CACNA1G: variants seen among roughly 807,000 people sequenced by gnomAD.
The protein encoded by CACNA1G is calcium voltage-gated channel subunit alpha1 G.
Under a neutral mutation model 219.4 loss-of-function variants are expected in CACNA1G, and 67 were observed. That is an observed-to-expected ratio of 0.31 (90% CI 0.25 to 0.37). CACNA1G has a LOEUF of 0.37. CACNA1G is among the 10% of genes least tolerant of loss of function. CACNA1G has a pLI of 1.00. For synonymous variants in CACNA1G, 1,296 were observed against 1,345.3 expected (o/e 0.96, Z 0.80); for missense variants, 2,380 against 3,231.4 (o/e 0.74, Z 6.39).
chr17:50,619,011 G>A lies in CACNA1G; in HGVS notation c.5781+3G>A, dbSNP rs780293937. 2.0e-6 allele frequency: 3 copies of A among 1,515,164 alleles called. No individual in the cohort carries two copies. Among genetic ancestry groups the A allele is most frequent in the Non-Finnish European group, 2.6e-6 (3 of 1,134,752 alleles). The allele number at this position is 1,515,164 out of a possible 1,614,324, so 93.9% of individuals were successfully genotyped here. A position where few individuals can be genotyped will look rare whatever the true frequency, so the allele number is the denominator to read the frequency against. On this transcript the variant is annotated splice_donor_region_variant and intron_variant, in intron 33 of 37. Coordinates refer to ENST00000359106, the MANE Select transcript of CACNA1G (RefSeq NM_018896.5). ...ACTTTTCCCTGGAGCACCCCACGGT[G>A]AGCAGACACCCACCCCAGCCGTGAG...
chr17:50,605,480 G>A (rs928506410), intron 22 of CACNA1G, among the ~76,000 whole-genome samples: 4 of 152,186 alleles, frequency 2.6e-5, no homozygotes, highest in Non-Finnish European at 4.4e-5. Context: ...TTGAGTTTGC[G>A]TCAGAATCAC....
At chr17:50,609,209 A>G (rs987310609) in intron 25 of CACNA1G, among the ~76,000 whole-genome samples, 3 of 150,598 alleles carry the variant, frequency 2.0e-5, no homozygotes, top group Admixed American at 2.0e-4. Flanking sequence ...AGGCGGGGGG[A>G]GAGTGTGGGA....
chr17:50,600,468 G>C lies in CACNA1G; in HGVS notation c.3691-258G>C, dbSNP rs552964191. ...TGGAGGCAGGGGTGGGGAGAGGGGA[G>C]AGCGGGGTTGGGGATGCAGGGGAGG... On this transcript the variant is annotated intron_variant, in intron 17 of 37. Coordinates refer to ENST00000359106, the MANE Select transcript of CACNA1G (RefSeq NM_018896.5). The surrounding 1 kb of genome is among the most constrained non-coding windows in gnomAD (Gnocchi z 4.1). 2.8e-4 allele frequency among the ~76,000 whole-genome samples: 43 copies of C among 151,992 alleles called. No homozygotes were observed. In the South Asian group the frequency reaches 6.2e-3, roughly 22 times the overall value.
intron 1 of CACNA1G, among the ~76,000 whole-genome samples, chr17:50,566,508 G>C (rs781512257): frequency 6.6e-6 from 1 of 152,172 alleles, no homozygotes; most frequent in South Asian, 2.1e-4. Flanking sequence ...GAGGTTATTC[G>C]GGGGCAGGCT....
Position 50,607,944 on chromosome 17 carries a change from C to A in CACNA1G, c.4630C>A (p.Arg1544=), listed in dbSNP as rs60532742. The A allele has an allele frequency of 1.6e-3, 2,571 of 1,613,918 alleles. 9 individuals carry two copies. Among genetic ancestry groups the A allele is most frequent in the Non-Finnish European group, 1.7e-3 (2,010 of 1,179,862 alleles). Residue 1544 remains arginine (R), a synonymous_variant, in exon 25 of 38, where the codon CGG becomes AGG. Transcript: ENST00000359106. The part of the protein sequence containing the change: ...GVVVENFHKC[R]QHQEEEEARR... ...GGTGGTGGAGAACTTCCACAAGTGT[C>A]GGCAGCACCAGGAGGAAGAGGAGGC...
chr17:50,579,456 G>A (rs1035069269), intron 9 of CACNA1G, among the ~76,000 whole-genome samples: 3 of 152,154 alleles, frequency 2.0e-5, no homozygotes, highest in Non-Finnish European at 4.4e-5. Context: ...GGTCCAAGCA[G>A]GCACCATGGG....
chr17:50,571,602 T>C lies in CACNA1G; in HGVS notation c.587-276T>C, dbSNP rs1337035322. Among the ~76,000 whole-genome samples, 3 of 152,154 alleles carry C rather than the reference T, an allele frequency of 2.0e-5. No homozygotes were observed. Among genetic ancestry groups the C allele is most frequent in the African/African-American group, 7.2e-5 (3 of 41,424 alleles). On this transcript the variant is annotated intron_variant, in intron 4 of 37. Coordinates refer to ENST00000359106, the MANE Select transcript of CACNA1G (RefSeq NM_018896.5). This position sits in a 1 kb window ranked among gnomAD's most constrained non-coding sequence, Gnocchi z 4.3. ...GTGATATTATCCACATGTGATGATG[T>C]TGGGAGAGTTAGGAGGGGCCACAGT...
Position 50,617,990 on chromosome 17 carries a change from A to G in CACNA1G, c.5227-58A>G. The G allele has an allele frequency of 6.2e-7, 1 of 1,612,698 alleles. No homozygotes were observed. The highest frequency in any genetic ancestry group is 2.2e-5 in the East Asian group (1 of 44,870). ...GGTGCTTTCCAGAGGGAAGGGGCTCAGAGAAGCTGACTGGGAGACCCAGCG... is the reference window on the plus strand; with the variant it reads ...GGTGCTTTCCAGAGGGAAGGGGCTCGGAGAAGCTGACTGGGAGACCCAGCG... On this transcript the variant is annotated intron_variant, in intron 30 of 37. Transcript: ENST00000359106. The surrounding 1 kb of genome is among the most constrained non-coding windows in gnomAD (Gnocchi z 5.8).
In CACNA1G at chr17:50,596,121, C is replaced by T. The variant is rs2045492187; in HGVS notation, c.2980-441C>T. ...TCTTTCAATTTCCTTCCAGGGTCCT[C>T]GAGTCTGAGGCTCAGGGGAGGGGAG... is the stretch of plus-strand genomic sequence containing the variant. On this transcript the variant is annotated intron_variant, in intron 14 of 37. Transcript: ENST00000359106. This position sits in a 1 kb window ranked among gnomAD's most constrained non-coding sequence, Gnocchi z 4.8. Among the ~76,000 whole-genome samples the T allele has an allele frequency of 1.3e-5, 2 of 152,018 alleles. No individual in the cohort carries two copies. Among genetic ancestry groups the T allele is most frequent in the Admixed American group, 6.6e-5 (1 of 15,262 alleles).
chr17:50,595,660 C>T (rs1370544103), intron 14 of CACNA1G, among the ~76,000 whole-genome samples: 1 of 152,274 alleles, frequency 6.6e-6, no homozygotes, highest in Non-Finnish European at 1.5e-5. Context: ...AGGGCTGGCT[C>T]CCGGTCTGGC....
chr17:50,587,957 C>T (rs1452023661), intron 9 of CACNA1G, among the ~76,000 whole-genome samples: 3 of 152,128 alleles, frequency 2.0e-5, no homozygotes, highest in African/African-American at 4.8e-5. Context: ...AGAACAGTCT[C>T]CTTCTCCACG....
At chr17:50,589,900 C>G (rs1422833218) in intron 9 of CACNA1G, among the ~76,000 whole-genome samples, 1 of 147,378 alleles carries the variant, frequency 6.8e-6, no homozygotes, top group Non-Finnish European at 1.5e-5. Context: ...ATTTTTCTCT[C>G]TCTCTCTCTC....
chr17:50,599,482 A>G lies in CACNA1G; in HGVS notation c.3313A>G (p.Ser1105Gly). ...SPWSAASSWT[S>G]RRSSRNSLGR... ...CTGGAGCGCTGCAAGCAGCTGGACC[A>G]GCAGGCGCTCCAGCCGGAACAGCCT... Residue 1105 changes from serine (S) to glycine (G), a missense_variant, in exon 17 of 38, where the codon AGC becomes GGC. By Grantham distance (56) the Ser-to-Gly change is moderately conservative. Around this residue, in one of 17 missense-constraint regions of CACNA1G, gnomAD observed 418 missense variants for 434.3 expected, o/e 0.96. Coordinates refer to ENST00000359106, the MANE Select transcript of CACNA1G (RefSeq NM_018896.5). 6.3e-7 allele frequency: 1 copy of G among 1,589,776 alleles called. No homozygotes were observed. The highest frequency in any genetic ancestry group is 8.6e-7 in the Non-Finnish European group (1 of 1,169,180).
intron 3 of CACNA1G, 85 bp from the exon 4 acceptor site, chr17:50,569,621 C>T (rs1273202784): frequency 3.2e-6 from 3 of 936,662 alleles, no homozygotes; most frequent in Non-Finnish European, 5.0e-6. Context: ...TCCTGCTGCC[C>T]CTAAAGCAGG....
Position 50,571,939 on chromosome 17 carries a change from G to T in CACNA1G, c.648G>T (p.Leu216=), listed in dbSNP as rs755768954. 1.2e-6 allele frequency: 2 copies of T among 1,613,896 alleles called. No homozygotes were observed. The highest frequency in any genetic ancestry group is 1.7e-6 in the Non-Finnish European group (2 of 1,179,882). The change falls in exon 5 of 38, where the codon CTG becomes CTT. Residue 216 remains leucine, a synonymous_variant. Coordinates refer to ENST00000359106, the MANE Select transcript of CACNA1G (RefSeq NM_018896.5). The surrounding 1 kb of genome is among the most constrained non-coding windows in gnomAD (Gnocchi z 4.3). The part of the protein sequence containing the change: ...DTLPMLGNVL[L]LCFFVFFIFG... ...TGCCCATGCTGGGCAACGTCCTGCT[G>T]CTCTGCTTCTTCGTCTTCTTCATCT... is the stretch of plus-strand genomic sequence containing the variant.
chr17:50,608,161 C>A, intron 25 of CACNA1G, 142 bp downstream of exon 25: 1 of 707,844 alleles, frequency 1.4e-6, no homozygotes, highest in Non-Finnish European at 2.4e-6. Flanking sequence ...TCACCTCCTT[C>A]TCCCCAAGAG....
Position 50,618,007 on chromosome 17 carries a change from G to A in CACNA1G, c.5227-41G>A. The A allele has an allele frequency of 6.2e-7, 1 of 1,612,692 alleles. No individual in the cohort carries two copies. The highest frequency in any genetic ancestry group is 8.5e-7 in the Non-Finnish European group (1 of 1,178,804). On this transcript the variant is annotated intron_variant, in intron 30 of 37. Transcript: ENST00000359106. This position sits in a 1 kb window ranked among gnomAD's most constrained non-coding sequence, Gnocchi z 5.3. ...AGGGGCTCAGAGAAGCTGACTGGGA[G>A]ACCCAGCGGCATCGTTTCTATTTCT...
At chr17:50,570,202 A>ACACGCTGGC (rs2039063553) in intron 4 of CACNA1G, among the ~76,000 whole-genome samples, 1 of 152,114 alleles carries the variant, frequency 6.6e-6, no homozygotes, top group South Asian at 2.1e-4. Context: ...TGCTGGTGAG[A>ACACGCTGGC]CACGCTGGCC....
Position 50,618,660 on chromosome 17 carries a change from C to T in CACNA1G, c.5433C>T (p.Thr1811=), listed in dbSNP as rs764757594. The change falls in exon 33 of 38, where the codon ACC becomes ACT. Residue 1811 remains threonine (T), a synonymous_variant. Transcript: ENST00000359106. This position sits in a 1 kb window ranked among gnomAD's most constrained non-coding sequence, Gnocchi z 5.3. ...GDNWNGIMKD[T]LRDCDQESTC... ...CTCTATTCCACCCTCCCCAGGACAC[C>T]CTCCGGGACTGTGACCAGGAGTCCA... 20 of 1,610,570 alleles carry T rather than the reference C, an allele frequency of 1.2e-5. No individual in the cohort carries two copies. The highest frequency in any genetic ancestry group is 3.3e-4 in the Middle Eastern group (2 of 6,048).
Sources: allele counts gnomAD v4.1 joint callset (sites outside exome capture counted in the v4.1 genomes callset), GRCh38; gene constraint gnomAD v4.1.1; regional missense constraint gnomAD v4.1.1; non-coding constraint Gnocchi (gnomAD v3.1); transcripts MANE v1.5; gene names NCBI Gene and HGNC (gene_info 2026-07-23, HGNC 2026-07-21).